The following MOB4 variants were observed in gnomAD, a reference collection of about 807,000 sequenced individuals.
MOB4 encodes the protein MOB-like protein phocein.
Under a neutral mutation model 32.2 loss-of-function variants are expected in MOB4, and 4 were observed. That is an observed-to-expected ratio of 0.12 (90% CI 0.06 to 0.28). The LOEUF (loss-of-function observed/expected upper bound fraction) is 0.28. MOB4 is among the 10% of genes least tolerant of loss of function. The probability of loss-of-function intolerance (pLI) is 1.00; values close to 1 mark genes in which losing one functional copy is unlikely to be tolerated. For missense variants in MOB4, 158 were observed against 271.2 expected (o/e 0.58, Z 2.93); for synonymous variants, 88 against 88.1 (o/e 1.00, Z 0.01).
Position 197,516,106 on chromosome 2 carries a change from C to G in MOB4, c.20C>G (p.Thr7Arg). Residue 7 changes from threonine (T) to arginine (R), a missense_variant, in exon 1 of 8, where the codon ACG (threonine) becomes AGG (arginine). Thr to Arg is a moderately conservative substitution (Grantham distance 71). Around this residue, in one of 6 missense-constraint regions of MOB4, gnomAD observed 41 missense variants for 26.4 expected, o/e 1.55. Transcript: ENST00000323303. ...GGCACTATGGTCATGGCGGAGGGGA[C>G]GGCAGTGCTGAGGCGGAACAGGCCG... MVMAEG[T>R]AVLRRNRPGT... is the part of the protein sequence containing the mutation. The G allele has an allele frequency of 6.2e-7, 1 of 1,602,386 alleles. No homozygotes were observed. Among genetic ancestry groups the G allele is most frequent in the Non-Finnish European group, 8.5e-7 (1 of 1,175,692 alleles).
chr2:197,546,896 T>C (rs892192122), intron 5 of MOB4, among the ~76,000 whole-genome samples: 2 of 152,112 alleles, frequency 1.3e-5, no homozygotes, highest in African/African-American at 4.8e-5. Context: ...ATTTTGTATG[T>C]TCTGTGTATT....
intron 5 of MOB4, 45 bp from the exon 6 acceptor site, chr2:197,548,286 CTTAAG>C: frequency 6.6e-7 from 1 of 1,517,122 alleles, no homozygotes; most frequent in South Asian, 1.2e-5. Flanking sequence ...ATATATCTAA[CTTAAG>C]AGAGAGCTCT....
intron 2 of MOB4, among the ~76,000 whole-genome samples, chr2:197,533,135 G>A (rs554407735): frequency 1.3e-5 from 2 of 152,102 alleles, no homozygotes; most frequent in Non-Finnish European, 2.9e-5. Flanking sequence ...AGAAGGTGTA[G>A]TGGGAACAGG....
rs577390320 is a variant in MOB4, at chr2:197,551,441, A to G, written c.*795A>G. ...AGTTAGTGGTGGCTTATACCTATTT[A>G]TATTTGTATTAATTGCTTACAGATT... On this transcript the variant is annotated 3_prime_UTR_variant, in exon 8 of 8. Coordinates refer to ENST00000323303, the MANE Select transcript of MOB4 (RefSeq NM_015387.5). 3 of 152,832 alleles carry G rather than the reference A, an allele frequency of 2.0e-5. No individual in the cohort carries two copies. In the South Asian group the frequency reaches 6.2e-4, roughly 32 times the overall value. The allele number at this position is 152,832 out of a possible 1,614,324, so 9.5% of individuals were successfully genotyped here.
At chr2:197,545,331 C>G (rs2106135516) in intron 5 of MOB4, among the ~76,000 whole-genome samples, 1 of 152,244 alleles carries the variant, frequency 6.6e-6, no homozygotes, top group East Asian at 1.9e-4. Context: ...TAAATCATCT[C>G]TAGATTACAT....
At position 197,550,499 on chromosome 2, in the gene MOB4, G is replaced by C; in HGVS notation, c.547-16G>C. The C allele has an allele frequency of 6.3e-7, 1 of 1,581,010 alleles. No homozygotes were observed. The highest frequency in any genetic ancestry group is 8.6e-7 in the Non-Finnish European group (1 of 1,166,528). ...GATAGTGAATTAAAATAACATTTTTGTCTTCCTCTCTACAGAATGAAACAT... is the reference window on the plus strand; with the variant it reads ...GATAGTGAATTAAAATAACATTTTTCTCTTCCTCTCTACAGAATGAAACAT... On this transcript the variant is annotated splice_polypyrimidine_tract_variant and intron_variant, in intron 7 of 7. Transcript: ENST00000323303.
At chr2:197,526,393 T>C (rs1298017388) in intron 2 of MOB4, among the ~76,000 whole-genome samples, 1 of 152,196 alleles carries the variant, frequency 6.6e-6, no homozygotes, top group Non-Finnish European at 1.5e-5. Flanking sequence ...CTCAACTCAC[T>C]GCAGCCTCTG....
chr2:197,518,892 AC>A (rs2086465150), intron 1 of MOB4, among the ~76,000 whole-genome samples: 1 of 152,018 alleles, frequency 6.6e-6, no homozygotes, highest in South Asian at 2.1e-4. Flanking sequence ...AGTAGCTGGG[AC>A]TACAGGCGCT....
chr2:197,527,568 T>A (rs2086631043), intron 2 of MOB4, among the ~76,000 whole-genome samples: 1 of 152,214 alleles, frequency 6.6e-6, no homozygotes, highest in Admixed American at 6.5e-5. Context: ...ATATATAGGA[T>A]CATGTCATTT....
At chr2:197,540,874 A>G (rs2106129117) in intron 5 of MOB4, among the ~76,000 whole-genome samples, 1 of 151,284 alleles carries the variant, frequency 6.6e-6, no homozygotes, top group South Asian at 2.1e-4. Flanking sequence ...TGTCAAGGTA[A>G]GACTATAGGC....
At chr2:197,525,136 G>A (rs1032182377) in intron 2 of MOB4, among the ~76,000 whole-genome samples, 1 of 152,086 alleles carries the variant, frequency 6.6e-6, no homozygotes, top group Admixed American at 6.5e-5. Flanking sequence ...ACCAGGTCAG[G>A]AGATCGAGAC....
intron 1 of MOB4, among the ~76,000 whole-genome samples, chr2:197,517,418 T>C (rs2086434066): frequency 6.6e-6 from 1 of 152,222 alleles, no homozygotes; most frequent in Admixed American, 6.5e-5. Context: ...TTTCCACACT[T>C]TTCTTCCTCA....
In MOB4 at chr2:197,540,344, T is replaced by G. The variant is rs1005789929; in HGVS notation, c.268-7T>G. On this transcript the variant is annotated splice_region_variant and splice_polypyrimidine_tract_variant and intron_variant, in intron 4 of 7. Coordinates refer to ENST00000323303, the MANE Select transcript of MOB4 (RefSeq NM_015387.5). ...TACATATTAAGAAATATAATTATTT[T>G]TAACAGAGTGAATGCCATCCAGATA... The G allele has an allele frequency of 1.3e-6, 2 of 1,551,314 alleles. No individual in the cohort carries two copies. Among genetic ancestry groups the G allele is most frequent in the Non-Finnish European group, 1.7e-6 (2 of 1,157,220 alleles).
At chr2:197,526,710 A>G (rs2086617681) in intron 2 of MOB4, among the ~76,000 whole-genome samples, 1 of 152,244 alleles carries the variant, frequency 6.6e-6, no homozygotes, top group South Asian at 2.1e-4. Context: ...CATTGGGAAT[A>G]TAATTAATGC....
chr2:197,524,448 G>T (rs55813500), intron 2 of MOB4, among the ~76,000 whole-genome samples: 1 of 149,014 alleles, frequency 6.7e-6, no homozygotes, highest in Non-Finnish European at 1.5e-5. Context: ...CAGGAGAATC[G>T]TTTAAACCCA....
intron 1 of MOB4, among the ~76,000 whole-genome samples, chr2:197,521,889 A>G (rs1160819724): frequency 6.6e-6 from 1 of 152,172 alleles, no homozygotes; most frequent in Non-Finnish European, 1.5e-5. Context: ...TGCAGTTAAC[A>G]CAATTATCAC....
chr2:197,517,861 T>C (rs1352422538), intron 1 of MOB4, among the ~76,000 whole-genome samples: 1 of 152,172 alleles, frequency 6.6e-6, no homozygotes, highest in Admixed American at 6.5e-5. Flanking sequence ...AATAGAGGGC[T>C]GGGTGCGGTG....
At chr2:197,536,595 C>CTTTTTTT (rs71012981) in intron 3 of MOB4, among the ~76,000 whole-genome samples, 20 of 55,362 alleles carry the variant, frequency 3.6e-4, no homozygotes, top group African/African-American at 6.9e-4. Context: ...CATCTTTTGT[C>CTTTTTTT]TTTTTTTTTT....
rs138174010 is a variant in MOB4 at position 197,533,669 on chromosome 2, G to C, written c.124-1861G>C. 8.1e-3 allele frequency: 2,243 copies of C among 275,384 alleles called. 47 individuals are homozygous for C. The highest frequency in any genetic ancestry group is 0.05 in the African/African-American group (2,097 of 41,802). 17.1% of individuals were successfully genotyped at this position (275,384 alleles called of 1,614,324 possible). A position where few individuals can be genotyped will look rare whatever the true frequency, so the allele number is the denominator to read the frequency against. On this transcript the variant is annotated intron_variant, in intron 2 of 7. Coordinates refer to ENST00000323303, the MANE Select transcript of MOB4 (RefSeq NM_015387.5). ...GAACCCGGCAGGCGGAGGTTGCAGT[G>C]AGCCAAGACTGAGCCATTGCACTCC...
Sources: gnomAD v4.1 joint callset for allele counts (sites outside exome capture counted in the v4.1 genomes callset) on GRCh38, gnomAD v4.1.1 for gene constraint, gnomAD v4.1.1 regional missense constraint, MANE v1.5 for transcripts, NCBI Gene and HGNC (gene_info 2026-07-23, HGNC 2026-07-21) for gene names.